The following SLC9C2 variants were observed in gnomAD, a reference collection of about 807,000 sequenced individuals.
SLC9C2 encodes solute carrier family 9 member C2 (putative), also known as sodium/hydrogen exchanger 11.
A neutral mutation model predicts 140.2 loss-of-function variants in SLC9C2; 75 were observed. That is an observed-to-expected ratio of 0.53 (90% CI 0.44 to 0.65). The LOEUF is 0.65. SLC9C2 is among the 30% of genes least tolerant of loss of function. The pLI, the probability that SLC9C2 is intolerant of heterozygous loss-of-function variation, is 0.00. For missense variants in SLC9C2, 1,074 were observed against 1,331.8 expected (o/e 0.81, Z 3.01); for synonymous variants, 375 against 420.9 (o/e 0.89, Z 1.34).
intron 16 of SLC9C2, 139 bp from the exon 17 acceptor site, chr1:173,533,936 T>C: frequency 1.0e-6 from 1 of 963,940 alleles, no homozygotes; most frequent in Non-Finnish European, 1.4e-6. Flanking sequence ...TCATTTGGAA[T>C]CCCCCCAAAA....
intron 4 of SLC9C2, among the ~76,000 whole-genome samples, chr1:173,595,758 CAA>C (rs1356285590): frequency 6.6e-6 from 1 of 152,022 alleles, no homozygotes; most frequent in African/African-American, 2.4e-5. Flanking sequence ...GAGAAAAAGT[CAA>C]AATATATTTC....
chr1:173,517,500 G>T, intron 23 of SLC9C2, 37 bp downstream of exon 23: 1 of 1,509,698 alleles, frequency 6.6e-7, no homozygotes, highest in Non-Finnish European at 8.9e-7. Flanking sequence ...TTTACTTGAA[G>T]AATAATTAAT....
Position 173,517,611 on chromosome 1 carries a change from C to T in SLC9C2, c.2833G>A (p.Asp945Asn). ...DMFTEFCTTG[D>N]IIGELSCLLK... ...AGACAGCTTAGCTCTCCAATTATGT[C>T]CCCAGTAGTACAGAACTCTGTAAAC... The change falls in exon 23 of 28, where the codon GAC (aspartate) becomes AAC (asparagine). Residue 945 changes from aspartate (D) to asparagine (N), a missense_variant. Physicochemically the swap from Asp to Asn is conservative, Grantham distance 23. Coordinates refer to ENST00000367714, the MANE Select transcript of SLC9C2 (RefSeq NM_178527.4). 1 of 1,613,984 alleles carries T rather than the reference C, an allele frequency of 6.2e-7. No individual in the cohort carries two copies. Among genetic ancestry groups the T allele is most frequent in the South Asian group, 1.1e-5 (1 of 91,052 alleles).
At chr1:173,576,426 A>G (rs1665182407) in intron 8 of SLC9C2, among the ~76,000 whole-genome samples, 3 of 152,260 alleles carry the variant, frequency 2.0e-5, no homozygotes, top group Admixed American at 2.0e-4. Context: ...CAGGTTACAT[A>G]TAAAAAACAC....
intron 27 of SLC9C2, among the ~76,000 whole-genome samples, chr1:173,501,505 C>CTTTTTTTTTT: frequency 1.0e-5 from 1 of 96,338 alleles, no homozygotes; most frequent in Non-Finnish European, 2.0e-5. Flanking sequence ...TTATTTGACT[C>CTTTTTTTTTT]TTTTTTTTTT....
At chr1:173,551,260 G>A (rs1663288336) in intron 11 of SLC9C2, among the ~76,000 whole-genome samples, 1 of 152,026 alleles carries the variant, frequency 6.6e-6, no homozygotes, top group Admixed American at 6.6e-5. Flanking sequence ...TTACCAATTT[G>A]GTTTATCAAG....
At chr1:173,515,637 C>T (rs1426893300) in intron 23 of SLC9C2, among the ~76,000 whole-genome samples, 1 of 152,142 alleles carries the variant, frequency 6.6e-6, no homozygotes, top group Non-Finnish European at 1.5e-5. Context: ...TTTGTTATTA[C>T]CCACCTTCCA....
Position 173,550,420 on chromosome 1 carries a change from T to TTTTATTTATTTA in SLC9C2, c.1298-1880_1298-1869dup, listed in dbSNP as rs754602433. Among the ~76,000 whole-genome samples the TTTTATTTATTTA allele has an allele frequency of 2.4e-3, 350 of 143,456 alleles. 3 individuals are homozygous for TTTTATTTATTTA. The highest frequency in any genetic ancestry group is 8.9e-3 in the African/African-American group (331 of 37,356). 94.1% of individuals were successfully genotyped at this position (143,456 alleles called of 152,430 possible). A position where few individuals can be genotyped will look rare whatever the true frequency, so the allele number is the denominator to read the frequency against. ...TCCTGTATCTTTTTTTATTTTTTTA[T>TTTTATTTATTTA]TTTATTTATTTATTTATTTATTTAT... On this transcript the variant is annotated intron_variant, in intron 11 of 27. Coordinates refer to ENST00000367714, the MANE Select transcript of SLC9C2 (RefSeq NM_178527.4).
At chr1:173,507,689 G>A (rs1445635165) in intron 24 of SLC9C2, among the ~76,000 whole-genome samples, 2 of 152,244 alleles carry the variant, frequency 1.3e-5, no homozygotes, top group Admixed American at 6.5e-5. Context: ...TATAAAAAGG[G>A]GAAACTTGGA....
At chr1:173,573,161 A>C in intron 9 of SLC9C2, 21 bp downstream of exon 9, 1 of 1,487,310 alleles carries the variant, frequency 6.7e-7, no homozygotes, top group Non-Finnish European at 9.2e-7. Flanking sequence ...TAGTAAACAA[A>C]CTTTAAAATA....
chr1:173,599,947 ATGTGTCCTTT>A (rs1352008942), intron 3 of SLC9C2, among the ~76,000 whole-genome samples, 160 bp downstream of exon 3: 9 of 152,022 alleles, frequency 5.9e-5, no homozygotes, highest in African/African-American at 2.2e-4. Context: ...TCCCTAATTG[ATGTGTCCTTT>A]ACTGTGTGGT....
At chr1:173,516,598 G>A (rs1235998168) in intron 23 of SLC9C2, among the ~76,000 whole-genome samples, 7 of 152,120 alleles carry the variant, frequency 4.6e-5, no homozygotes, top group Admixed American at 4.6e-4. Flanking sequence ...ATTTACTAAA[G>A]ATAATGGCCT....
chr1:173,522,869 T>C (rs1660925513), intron 21 of SLC9C2, among the ~76,000 whole-genome samples: 1 of 152,224 alleles, frequency 6.6e-6, no homozygotes. Context: ...TGGAGTGCTC[T>C]TCTGTAAGAT....
In SLC9C2 at chr1:173,599,457, C is replaced by T. The variant is rs1209483560; in HGVS notation, c.228+660G>A. Reference sequence around the variant, plus strand: ...TGGCGCAATCTCGGCTCACTGCAAGCTCCGTCTCCTGGGTTCACGCCATTC... The same window carrying T: ...TGGCGCAATCTCGGCTCACTGCAAGTTCCGTCTCCTGGGTTCACGCCATTC... On this transcript the variant is annotated intron_variant, in intron 3 of 27. Transcript: ENST00000367714. Among the ~76,000 whole-genome samples the T allele has an allele frequency of 4.5e-5, 6 of 134,058 alleles. No individual in the cohort carries two copies. In the Admixed American group the frequency reaches 5.4e-4, roughly 12 times the overall value. 87.9% of individuals were successfully genotyped at this position (134,058 alleles called of 152,430 possible). A position where few individuals can be genotyped will look rare whatever the true frequency, so the allele number is the denominator to read the frequency against.
intron 2 of SLC9C2, 94 bp downstream of exon 2, chr1:173,601,556 C>T: frequency 7.2e-7 from 1 of 1,396,138 alleles, no homozygotes; most frequent in Non-Finnish European, 9.8e-7. Flanking sequence ...TCAATGGGCC[C>T]CTTCTTTTGA....
intron 9 of SLC9C2, among the ~76,000 whole-genome samples, chr1:173,571,093 G>A (rs1183817249): frequency 6.6e-6 from 1 of 152,004 alleles, no homozygotes; most frequent in African/African-American, 2.4e-5. Flanking sequence ...GGGGTGAGAG[G>A]GATGATCAGT....
chr1:173,582,507 T>A (rs1665607267), intron 6 of SLC9C2, among the ~76,000 whole-genome samples: 1 of 152,126 alleles, frequency 6.6e-6, no homozygotes, highest in Non-Finnish European at 1.5e-5. Context: ...AGTGGGTAGC[T>A]ATCAGGGTAG....
intron 23 of SLC9C2, among the ~76,000 whole-genome samples, chr1:173,512,269 T>A (rs916781881): frequency 6.6e-6 from 1 of 152,266 alleles, no homozygotes; most frequent in Non-Finnish European, 1.5e-5. Context: ...CACTATTGAT[T>A]CTTCCTATCC....
At chr1:173,535,714 A>G in intron 15 of SLC9C2, 116 bp downstream of exon 15, 1 of 1,246,512 alleles carries the variant, frequency 8.0e-7, no homozygotes, top group Non-Finnish European at 1.1e-6. Context: ...CCAATCAGTG[A>G]AAATAAACCA....
Sources: allele counts gnomAD v4.1 joint callset (sites outside exome capture counted in the v4.1 genomes callset), GRCh38; gene constraint gnomAD v4.1.1; transcripts MANE v1.5; gene names NCBI Gene and HGNC (gene_info 2026-07-23, HGNC 2026-07-21).